The following BMPR2 variants were observed in gnomAD, a reference collection of about 807,000 sequenced individuals.
The protein encoded by BMPR2 is bone morphogenetic protein receptor type 2, also known as bone morphogenetic protein receptor type-2.
BMPR2 carries 29 observed loss-of-function variants against 100.8 expected under a neutral mutation model. The observed-to-expected ratio is 0.29, with a 90% confidence interval of 0.21 to 0.39. The LOEUF is 0.39. Ranked by LOEUF, BMPR2 falls within the 10% of genes least tolerant of loss-of-function variation. The pLI is 1.00. For synonymous variants in BMPR2, 382 were observed against 442.3 expected (o/e 0.86, Z 1.71); for missense variants, 1,011 against 1,274.5 (o/e 0.79, Z 3.15).
At chr2:202,455,491 T>C (rs1692075321) in intron 1 of BMPR2, among the ~76,000 whole-genome samples, 1 of 152,256 alleles carries the variant, frequency 6.6e-6, no homozygotes, top group African/African-American at 2.4e-5. Flanking sequence ...GGTGCTGATA[T>C]ATAGTATATG....
intron 1 of BMPR2, among the ~76,000 whole-genome samples, chr2:202,403,429 A>G: frequency 6.6e-6 from 1 of 150,546 alleles, no homozygotes. Context: ...TATTCTCTTG[A>G]CCTCGTGATC....
chr2:202,535,439 C>G (rs1359656106), intron 9 of BMPR2, among the ~76,000 whole-genome samples: 1 of 151,566 alleles, frequency 6.6e-6, no homozygotes, highest in African/African-American at 2.4e-5. Flanking sequence ...CTCCTCACAT[C>G]CCAGACGGGG....
chr2:202,493,246 A>G (rs1447560125), intron 3 of BMPR2, among the ~76,000 whole-genome samples: 1 of 152,200 alleles, frequency 6.6e-6, no homozygotes, highest in African/African-American at 2.4e-5. Context: ...TTAGGCTTAA[A>G]TGGACATTTC....
intron 1 of BMPR2, among the ~76,000 whole-genome samples, chr2:202,385,605 C>CTG (rs1301267050): frequency 1.3e-5 from 2 of 148,284 alleles, no homozygotes; most frequent in Admixed American, 6.8e-5. Flanking sequence ...ACCTCGTGAT[C>CTG]TGCCCGCCTC....
At position 202,467,708 on chromosome 2, in the gene BMPR2, T is replaced by A. The variant is rs1251086076; in HGVS notation, c.418+19T>A. 15 of 1,596,420 alleles carry A rather than the reference T, an allele frequency of 9.4e-6. No homozygotes were observed. The highest frequency in any genetic ancestry group is 1.3e-5 in the African/African-American group (1 of 74,486). ...CCACTCAGTAAGTAAAGTAACCAAC[T>A]TTTCTTTGTATTTCCTTTCTCCAAA... is the stretch of plus-strand genomic sequence containing the variant. On this transcript the variant is annotated intron_variant, in intron 3 of 12. Coordinates refer to ENST00000374580, the MANE Select transcript of BMPR2 (RefSeq NM_001204.7).
At chr2:202,449,453 A>G (rs569142589) in intron 1 of BMPR2, among the ~76,000 whole-genome samples, 73 of 152,296 alleles carry the variant, frequency 4.8e-4, no homozygotes, top group African/African-American at 1.7e-3. Flanking sequence ...TGTTCCCACC[A>G]TCCCCAAACC....
rs1011169929 is a variant in BMPR2, at chr2:202,437,347, T to G, written c.77-27462T>G. On this transcript the variant is annotated intron_variant, in intron 1 of 12. Coordinates refer to ENST00000374580, the MANE Select transcript of BMPR2 (RefSeq NM_001204.7). ...CTCTTTAGGAATTTCAACCTGACCATTTGTATCTCTTCTTATATTTTCAGT... is the reference window on the plus strand; with the variant it reads ...CTCTTTAGGAATTTCAACCTGACCAGTTGTATCTCTTCTTATATTTTCAGT... 7.3e-5 allele frequency among the ~76,000 whole-genome samples: 11 copies of G among 150,804 alleles called. 2 individuals carry two copies. Among genetic ancestry groups the G allele is most frequent in the African/African-American group, 2.7e-4 (11 of 40,108 alleles).
chr2:202,517,446 T>C (rs1039257518), intron 5 of BMPR2, among the ~76,000 whole-genome samples: 4 of 151,336 alleles, frequency 2.6e-5, no homozygotes, highest in African/African-American at 9.7e-5. Flanking sequence ...TCAGCCTCTA[T>C]GTAGGGATCT....
Position 202,467,683 on chromosome 2 carries a change from C to A in BMPR2, c.412C>A (p.Pro138Thr). The A allele has an allele frequency of 6.2e-7, 1 of 1,610,098 alleles. No individual in the cohort carries two copies. Among genetic ancestry groups the A allele is most frequent in the Non-Finnish European group, 8.5e-7 (1 of 1,176,362 alleles). The change falls in exon 3 of 13, where the codon CCA (proline) becomes ACA (threonine). Residue 138 changes from proline (P) to threonine (T), a missense_variant. This residue lies in a region of BMPR2 where 355 missense variants were observed against 455.3 expected (regional missense o/e 0.78). Coordinates refer to ENST00000374580, the MANE Select transcript of BMPR2 (RefSeq NM_001204.7). The stretch of plus-strand genomic sequence containing the variant: ...GAATTTTCCACCTCCTGACACAACA[C>A]CACTCAGTAAGTAAAGTAACCAACT... Reference protein sequence around the residue: ...TENFPPPDTTPLSPPHSFNRD... With the variant: ...TENFPPPDTTTLSPPHSFNRD...
chr2:202,562,339 A>G lies in BMPR2; in HGVS notation c.*2393A>G, dbSNP rs1688689862. ...TAATATGCCAGATTAAAATAACTGAATAGTTTACTATTTCATTCAAGCATG... is the reference window on the plus strand; with the variant it reads ...TAATATGCCAGATTAAAATAACTGAGTAGTTTACTATTTCATTCAAGCATG... On this transcript the variant is annotated 3_prime_UTR_variant, in exon 13 of 13. Coordinates refer to ENST00000374580, the MANE Select transcript of BMPR2 (RefSeq NM_001204.7). 2 of 152,612 alleles carry G rather than the reference A, an allele frequency of 1.3e-5. No homozygotes were observed. The highest frequency in any genetic ancestry group is 6.5e-5 in the Admixed American group (1 of 15,278). 9.5% of individuals were successfully genotyped at this position (152,612 alleles called of 1,614,324 possible).
chr2:202,543,197 T>TATATATATTTATATAC (rs1559070510), intron 10 of BMPR2, among the ~76,000 whole-genome samples: 12 of 146,468 alleles, frequency 8.2e-5, no homozygotes, highest in African/African-American at 3.0e-4. Flanking sequence ...AAAGCATATA[T>TATATATATTTATATAC]ATATATATTT....
At chr2:202,524,319 G>A (rs544827355) in intron 7 of BMPR2, among the ~76,000 whole-genome samples, 11 of 147,438 alleles carry the variant, frequency 7.5e-5, no homozygotes, top group Admixed American at 1.4e-4. Context: ...CCGAGATCGC[G>A]CCACTGCACT....
In BMPR2 at chr2:202,520,232, C is replaced by G. The variant is rs767785984; in HGVS notation, c.967+31C>G. ...ATAGTCAATAGATGAAATTGACACTCATGTGGGTTCAAAATTCACAACAGG... is the reference window on the plus strand; with the variant it reads ...ATAGTCAATAGATGAAATTGACACTGATGTGGGTTCAAAATTCACAACAGG... On this transcript the variant is annotated intron_variant, in intron 7 of 12. Coordinates refer to ENST00000374580, the MANE Select transcript of BMPR2 (RefSeq NM_001204.7). 3.4e-6 allele frequency: 5 copies of G among 1,471,504 alleles called. No homozygotes were observed. In the African/African-American group the frequency reaches 5.5e-5, roughly 16 times the overall value. The allele number at this position is 1,471,504 out of a possible 1,614,324, so 91.2% of individuals were successfully genotyped here. A position where few individuals can be genotyped will look rare whatever the true frequency, so the allele number is the denominator to read the frequency against.
Position 202,508,217 on chromosome 2 carries a change from T to C in BMPR2, c.419-5502T>C, listed in dbSNP as rs552624027. 5.3e-5 allele frequency among the ~76,000 whole-genome samples: 8 copies of C among 151,832 alleles called. No homozygotes were observed. In the East Asian group the frequency reaches 1.6e-3, roughly 29 times the overall value. ...AAGCGATTCTTCTGCCTCAGCCTCC[T>C]GAATAGCTGGGATTACAGGCACGCA... is the stretch of plus-strand genomic sequence containing the variant. On this transcript the variant is annotated intron_variant, in intron 3 of 12. Transcript: ENST00000374580.
At position 202,564,372 on chromosome 2, in the gene BMPR2, CTTAAAG is replaced by C. The variant is rs1688722107; in HGVS notation, c.*4432_*4437del. The C allele has an allele frequency of 6.6e-6, 1 of 152,182 alleles. No individual in the cohort carries two copies. The highest frequency in any genetic ancestry group is 2.4e-5 in the African/African-American group (1 of 41,442). The allele number at this position is 152,182 out of a possible 1,614,324, so 9.4% of individuals were successfully genotyped here. A position where few individuals can be genotyped will look rare whatever the true frequency, so the allele number is the denominator to read the frequency against. On this transcript the variant is annotated 3_prime_UTR_variant, in exon 13 of 13. Coordinates refer to ENST00000374580, the MANE Select transcript of BMPR2 (RefSeq NM_001204.7). ...ATTGCTTTATCTTCCCATCTAACTT[CTTAAAG>C]TTAAAATCCGGACACACATGTTGAT...
intron 1 of BMPR2, among the ~76,000 whole-genome samples, chr2:202,456,456 G>A (rs1692108350): frequency 6.6e-6 from 1 of 151,010 alleles, no homozygotes; most frequent in African/African-American, 2.4e-5. Flanking sequence ...GGGATTACAG[G>A]CGCGAATCAC....
intron 1 of BMPR2, among the ~76,000 whole-genome samples, chr2:202,418,512 T>G (rs989213837): frequency 6.6e-6 from 1 of 152,202 alleles, no homozygotes; most frequent in Non-Finnish European, 1.5e-5. Context: ...CCTGAGAACA[T>G]GTGTCCAAGG....
chr2:202,478,730 C>G (rs1481257533), intron 3 of BMPR2, among the ~76,000 whole-genome samples: 1 of 152,128 alleles, frequency 6.6e-6, no homozygotes, highest in Non-Finnish European at 1.5e-5. Flanking sequence ...GGCAACATAG[C>G]AAAACCCCGT....
intron 1 of BMPR2, among the ~76,000 whole-genome samples, chr2:202,417,745 G>A (rs528100464): frequency 4.0e-5 from 6 of 148,872 alleles, no homozygotes; most frequent in African/African-American, 9.9e-5. Flanking sequence ...TTGAGACAGC[G>A]TCTCACTCTG....
Sources: allele counts gnomAD v4.1 joint callset (sites outside exome capture counted in the v4.1 genomes callset), GRCh38; gene constraint gnomAD v4.1.1; regional missense constraint gnomAD v4.1.1; transcripts MANE v1.5; gene names NCBI Gene and HGNC (gene_info 2026-07-23, HGNC 2026-07-21).